CARD8: variants seen among roughly 807,000 people sequenced by gnomAD.
CARD8 encodes the protein caspase recruitment domain family member 8, also known as caspase recruitment domain-containing protein 8.
Under a neutral mutation model 53.2 loss-of-function variants are expected in CARD8, and 38 were observed. The ratio of observed to expected loss-of-function variants is 0.71; its 90% confidence interval spans 0.55 to 0.94. The LOEUF (loss-of-function observed/expected upper bound fraction) is 0.94, where lower values mean the gene tolerates loss of function less well. CARD8 is among the 40% of genes least tolerant of loss of function. The pLI is 0.00. For missense variants in CARD8, 561 were observed against 655.5 expected (o/e 0.86, Z 1.57); for synonymous variants, 245 against 244.9 (o/e 1.00, Z 0.00).
chr19:48,220,736 ACCCCGTCTC>A (rs2040330008), intron 11 of CARD8, among the ~76,000 whole-genome samples: 1 of 151,788 alleles, frequency 6.6e-6, no homozygotes, highest in African/African-American at 2.4e-5. Context: ...ACATGGTGAA[ACCCCGTCTC>A]TACTAAAAAT....
rs116949637 is a variant in CARD8, at chr19:48,229,758, G to C, written c.1035+680C>G. 3.3e-4 allele frequency among the ~76,000 whole-genome samples: 50 copies of C among 152,310 alleles called. No homozygotes were observed. In the East Asian group the frequency reaches 8.5e-3, roughly 26 times the overall value. ...TAGAGGGAGATGCTACTGAACAGGA[G>C]GAGGGTTACTCCAGAGATGTGAGTG... On this transcript the variant is annotated intron_variant, in intron 10 of 13. Coordinates refer to ENST00000651546, the MANE Select transcript of CARD8 (RefSeq NM_001184900.3).
chr19:48,220,954 AAAGG>A (rs373278605), intron 11 of CARD8, among the ~76,000 whole-genome samples: 30 of 101,268 alleles, frequency 3.0e-4, no homozygotes, highest in African/African-American at 3.9e-4. Flanking sequence ...AAAGGAAAGG[AAAGG>A]AAGGAAGGAA....
intron 12 of CARD8, among the ~76,000 whole-genome samples, chr19:48,215,820 G>C (rs1421082112): frequency 1.3e-5 from 2 of 152,076 alleles, no homozygotes; most frequent in African/African-American, 4.8e-5. Context: ...TTGCTAATTG[G>C]AGCTACCATT....
chr19:48,235,641 C>G (rs2043738800), intron 5 of CARD8, among the ~76,000 whole-genome samples: 1 of 152,194 alleles, frequency 6.6e-6, no homozygotes. Flanking sequence ...ACCTTGGCAT[C>G]CCAAAGCACT....
Position 48,211,875 on chromosome 19 carries a change from C to G in CARD8, c.1449G>C (p.Glu483Asp), listed in dbSNP as rs138779699. Reference protein sequence around the residue: ...DDLQDNEVLTENEKELVEQEK... With the variant: ...DDLQDNEVLTDNEKELVEQEK... ...CCTGCTCCACCAGCTCCTTCTCATT[C>G]TCAGTAAGAACCTCATTGTCTTGGA... Residue 483 changes from glutamate to aspartate, a missense_variant, in exon 14 of 14, where the codon GAG becomes GAC. Glu to Asp is a conservative substitution (Grantham distance 45). Transcript: ENST00000651546. 3 of 1,614,016 alleles carry G rather than the reference C, an allele frequency of 1.9e-6. No individual in the cohort carries two copies. The African/African-American group carries it at 4.0e-5, about 22-fold the overall frequency.
chr19:48,252,806 TATACACAC>T (rs898809101), intron 1 of CARD8, among the ~76,000 whole-genome samples: 2 of 69,936 alleles, frequency 2.9e-5, no homozygotes, highest in Non-Finnish European at 6.2e-5. Flanking sequence ...CTTATCAGTA[TATACACAC>T]ACACACACAC....
At chr19:48,241,227 C>T (rs541186286) in intron 3 of CARD8, among the ~76,000 whole-genome samples, 164 bp from the exon 4 acceptor site, 3 of 152,054 alleles carry the variant, frequency 2.0e-5, no homozygotes, top group South Asian at 2.1e-4. Flanking sequence ...GGACAGAGGC[C>T]GAAACAGGAG....
At chr19:48,232,986 G>A (rs542097853) in intron 6 of CARD8, 31 of 355,136 alleles carry the variant, frequency 8.7e-5, no homozygotes, top group Admixed American at 5.1e-4. Flanking sequence ...ATACGATGTC[G>A]GAATCAAAGA....
chr19:48,207,732 C>CTGTTTTTTTTTTTT (rs1555790088), downstream of CARD8, among the ~76,000 whole-genome samples: 33,391 of 88,152 alleles, frequency 0.38, 7,399 homozygotes, highest in Non-Finnish European at 0.53. Flanking sequence ...TGTTGTTTTT[C>CTGTTTTTTTTTTTT]TGTTTTTTTT....
intron 1 of CARD8, among the ~76,000 whole-genome samples, chr19:48,252,808 T>TATATATACACACACACACACAC (rs113740488): frequency 6.7e-6 from 1 of 148,182 alleles, no homozygotes; most frequent in Non-Finnish European, 1.5e-5. Context: ...TATCAGTATA[T>TATATATACACACACACACACAC]ACACACACAC....
Position 48,230,716 on chromosome 19 carries a change from A to G in CARD8, c.773-16T>C, listed in dbSNP as rs773848177. The stretch of plus-strand genomic sequence containing the variant: ...ACCTCACCTGCTGCAGGAGAACCAC[A>G]ACAGCAGTGAGACGGCACGCACCCC... On this transcript the variant is annotated splice_polypyrimidine_tract_variant and intron_variant, in intron 9 of 13. Coordinates refer to ENST00000651546, the MANE Select transcript of CARD8 (RefSeq NM_001184900.3). The G allele has an allele frequency of 2.5e-6, 4 of 1,613,252 alleles. No individual in the cohort carries two copies. Among genetic ancestry groups the G allele is most frequent in the Non-Finnish European group, 3.4e-6 (4 of 1,179,316 alleles).
At position 48,215,088 on chromosome 19, in the gene CARD8, C is replaced by T. The variant is rs139932428; in HGVS notation, c.1348+252G>A. On this transcript the variant is annotated intron_variant, in intron 13 of 13. Coordinates refer to ENST00000651546, the MANE Select transcript of CARD8 (RefSeq NM_001184900.3). ...TACAGGCGTGAGCCACTGCGCCTGGCCTCTTGCTGTAAAGCTTTTTAATAA... is the reference window on the plus strand; with the variant it reads ...TACAGGCGTGAGCCACTGCGCCTGGTCTCTTGCTGTAAAGCTTTTTAATAA... The T allele has an allele frequency of 9.7e-4, 343 of 353,452 alleles. 1 individual carries two copies. Among genetic ancestry groups the T allele is most frequent in the African/African-American group, 6.6e-3 (313 of 47,606 alleles). The allele number at this position is 353,452 out of a possible 1,614,324, so 21.9% of individuals were successfully genotyped here. A position where few individuals can be genotyped will look rare whatever the true frequency, so the allele number is the denominator to read the frequency against.
intron 10 of CARD8, among the ~76,000 whole-genome samples, chr19:48,224,674 T>C (rs953664672): frequency 6.6e-6 from 1 of 151,760 alleles, no homozygotes; most frequent in East Asian, 1.9e-4. Context: ...CTACCCTGAA[T>C]AGGGAAGAAG....
At chr19:48,207,734 G>GTTTTTTTTTTTTTGTTTTTTTTTTTTT (rs1555790116), downstream of CARD8, among the ~76,000 whole-genome samples, 6 of 116,536 alleles carry the variant, frequency 5.1e-5, no homozygotes, top group Admixed American at 8.8e-5. Flanking sequence ...TTGTTTTTCT[G>GTTTTTTTTTTTTTGTTTTTTTTTTTTT]TTTTTTTTTT....
At chr19:48,215,450 A>G in intron 12 of CARD8, 66 bp from the exon 13 acceptor site, 1 of 1,099,240 alleles carries the variant, frequency 9.1e-7, no homozygotes, top group Non-Finnish European at 1.4e-6. Context: ...TAGCTTTTCT[A>G]GTCTTTGATG....
intron 13 of CARD8, chr19:48,214,992 G>T (rs1268284878): frequency 1.1e-5 from 2 of 178,240 alleles, no homozygotes; most frequent in Non-Finnish European, 2.4e-5. Context: ...ATTTCACTGT[G>T]TTGCCCAGGC....
At chr19:48,240,485 T>C (rs149948301) in intron 4 of CARD8, among the ~76,000 whole-genome samples, 2,098 of 152,000 alleles carry the variant, frequency 0.014, 51 homozygotes, top group African/African-American at 0.044. Context: ...AAAGTACACC[T>C]GGGCCAGGCG....
chr19:48,204,472 G>A (rs2037270574), downstream of CARD8, among the ~76,000 whole-genome samples: 1 of 152,116 alleles, frequency 6.6e-6, no homozygotes, highest in Admixed American at 6.6e-5. Context: ...CTAGATACTT[G>A]GGATGCTCAA....
chr19:48,224,548 T>C (rs556676684), intron 10 of CARD8, among the ~76,000 whole-genome samples: 2 of 152,162 alleles, frequency 1.3e-5, no homozygotes, highest in African/African-American at 2.4e-5. Flanking sequence ...GGTTATAGAG[T>C]TGAACTGTGC....
Sources: allele counts gnomAD v4.1 joint callset (sites outside exome capture counted in the v4.1 genomes callset), GRCh38; gene constraint gnomAD v4.1.1; transcripts MANE v1.5; gene names NCBI Gene and HGNC (gene_info 2026-07-23, HGNC 2026-07-21).